The following TMEM167A variants were observed in gnomAD, a reference collection of about 807,000 sequenced individuals.
The protein encoded by TMEM167A is protein kish-A.
In TMEM167A, 8 loss-of-function variants were observed where a neutral mutation model predicts 11.6. The ratio of observed to expected loss-of-function variants is 0.69; its 90% CI spans 0.40 to 1.24. The LOEUF (loss-of-function observed/expected upper bound fraction) is 1.24. TMEM167A is among the 50% of genes most tolerant of loss of function. The probability of loss-of-function intolerance (pLI) is 0.01; values close to 1 mark genes in which losing one functional copy is unlikely to be tolerated. For missense variants in TMEM167A, 62 were observed against 87.0 expected (o/e 0.71, Z 1.14); for synonymous variants, 22 against 28.0 (o/e 0.79, Z 0.67).
intron 3 of TMEM167A, 86 bp from the exon 4 acceptor site, chr5:83,057,240 T>C (rs1343728019): frequency 1.5e-6 from 2 of 1,304,058 alleles, no homozygotes; most frequent in Non-Finnish European, 2.2e-6. Context: ...AGAATCAAGA[T>C]AACATTCTTC....
At chr5:83,063,936 C>T (rs1744442753) in intron 2 of TMEM167A, among the ~76,000 whole-genome samples, 1 of 151,880 alleles carries the variant, frequency 6.6e-6, no homozygotes, top group Admixed American at 6.6e-5. Context: ...TTGCTTTATC[C>T]AATCTGTCTA....
Position 83,055,118 on chromosome 5 carries a change from T to C in TMEM167A, c.*1966A>G, listed in dbSNP as rs1744309438. On this transcript the variant is annotated 3_prime_UTR_variant, in exon 4 of 4. Transcript: ENST00000502346. ...AGAATGGTTGTTGTTACAAATATGC[T>C]GCCTCCCACTCTGTTTAGCATCTAT... 1.3e-5 allele frequency: 2 copies of C among 152,026 alleles called. No homozygotes were observed. The highest frequency in any genetic ancestry group is 2.9e-5 in the Non-Finnish European group (2 of 67,922). The allele number at this position is 152,026 out of a possible 1,614,324, so 9.4% of individuals were successfully genotyped here. A position where few individuals can be genotyped will look rare whatever the true frequency, so the allele number is the denominator to read the frequency against.
At chr5:83,073,147 A>G (rs1304411429) in intron 1 of TMEM167A, among the ~76,000 whole-genome samples, 1 of 152,212 alleles carries the variant, frequency 6.6e-6, no homozygotes, top group African/African-American at 2.4e-5. Context: ...GCTATTTATA[A>G]GCAGTGTGAT....
intron 2 of TMEM167A, among the ~76,000 whole-genome samples, chr5:83,062,850 C>G (rs1410089811): frequency 7.2e-6 from 1 of 139,098 alleles, no homozygotes; most frequent in Non-Finnish European, 1.6e-5. Flanking sequence ...TTATAGTATA[C>G]TTTTTTTTTT....
intron 1 of TMEM167A, 48 bp from the exon 2 acceptor site, chr5:83,065,165 T>C (rs533827978): frequency 5.0e-6 from 6 of 1,205,956 alleles, no homozygotes; most frequent in African/African-American, 1.6e-5. Flanking sequence ...AAAAACTGCA[T>C]AGGTAAAAAA....
rs1744284381 is a variant in TMEM167A at position 83,053,256 on chromosome 5, CG to C, written c.*3827del. 1.3e-5 allele frequency: 2 copies of C among 151,912 alleles called. No homozygotes were observed. Among genetic ancestry groups the C allele is most frequent in the African/African-American group, 2.4e-5 (1 of 41,410 alleles). 9.4% of individuals were successfully genotyped at this position (151,912 alleles called of 1,614,324 possible). On this transcript the variant is annotated 3_prime_UTR_variant, in exon 4 of 4. Transcript: ENST00000502346. ...AACTTCTCAAAGGCTTTGCAAAAAG[CG>C]TAAGTCCTTGCTTTTTGAGAATTTT...
At chr5:83,062,511 T>C (rs113577080) in intron 2 of TMEM167A, among the ~76,000 whole-genome samples, 386 of 152,222 alleles carry the variant, frequency 2.5e-3, no homozygotes, top group African/African-American at 8.6e-3. Context: ...TCACTAAATA[T>C]GGCATTTAAA....
At position 83,064,078 on chromosome 5, in the gene TMEM167A, A is replaced by G. The variant is rs149679311; in HGVS notation, c.113+930T>C. ...TATACAAAATAATTCTTAGTTATAA[A>G]TCAACATAAAATGGTGCTTAACACG... is the stretch of plus-strand genomic sequence containing the variant. On this transcript the variant is annotated intron_variant, in intron 2 of 3. Transcript: ENST00000502346. 2,836 of 326,282 alleles carry G rather than the reference A, an allele frequency of 8.7e-3. 24 individuals carry two copies. Among genetic ancestry groups the G allele is most frequent in the Non-Finnish European group, 0.012 (1,999 of 167,842 alleles). 20.2% of individuals were successfully genotyped at this position (326,282 alleles called of 1,614,324 possible). A position where few individuals can be genotyped will look rare whatever the true frequency, so the allele number is the denominator to read the frequency against.
At chr5:83,064,237 T>C (rs1483658145) in intron 2 of TMEM167A, 1 of 518,576 alleles carries the variant, frequency 1.9e-6, no homozygotes, top group East Asian at 5.4e-5. Context: ...ACTCAACCTT[T>C]ACTAGAAGGT....
At position 83,056,767 on chromosome 5, in the gene TMEM167A, C is replaced by G. The variant is rs753154424; in HGVS notation, c.*317G>C. The G allele has an allele frequency of 7.1e-5, 21 of 297,014 alleles. No individual in the cohort carries two copies. The highest frequency in any genetic ancestry group is 1.3e-4 in the Non-Finnish European group (20 of 159,576). The allele number at this position is 297,014 out of a possible 1,614,324, so 18.4% of individuals were successfully genotyped here. A position where few individuals can be genotyped will look rare whatever the true frequency, so the allele number is the denominator to read the frequency against. On this transcript the variant is annotated 3_prime_UTR_variant, in exon 4 of 4. Coordinates refer to ENST00000502346, the MANE Select transcript of TMEM167A (RefSeq NM_174909.5). ...CAGTGAAAGGAACTTGAGTAATTAA[C>G]CAATTTTGTTTTCTACTATGTGCCT...
chr5:83,057,227 A>G (rs529409393), intron 3 of TMEM167A, 73 bp from the exon 4 acceptor site: 28 of 1,384,104 alleles, frequency 2.0e-5, no homozygotes, highest in South Asian at 2.0e-4. Context: ...TTATACTACC[A>G]TAAGAATCAA....
chr5:83,066,306 T>C (rs1396063279), intron 1 of TMEM167A, among the ~76,000 whole-genome samples: 1 of 152,058 alleles, frequency 6.6e-6, no homozygotes, highest in Non-Finnish European at 1.5e-5. Flanking sequence ...AAATCAGGAA[T>C]GAAACAAAGA....
At chr5:83,057,935 A>G (rs1410858501) in intron 3 of TMEM167A, among the ~76,000 whole-genome samples, 1 of 152,066 alleles carries the variant, frequency 6.6e-6, no homozygotes, top group Non-Finnish European at 1.5e-5. Context: ...TGTTCCTTCA[A>G]TAACTGCAAG....
intron 3 of TMEM167A, among the ~76,000 whole-genome samples, chr5:83,058,317 C>T (rs1328523415): frequency 6.6e-6 from 1 of 151,938 alleles, no homozygotes; most frequent in Non-Finnish European, 1.5e-5. Context: ...AAATATTATA[C>T]ACATACAAAA....
chr5:83,056,623 A>G lies in TMEM167A; in HGVS notation c.*461T>C, dbSNP rs1175416577. 5.5e-6 allele frequency: 1 copy of G among 183,050 alleles called. No individual in the cohort carries two copies. The highest frequency in any genetic ancestry group is 1.1e-5 in the Non-Finnish European group (1 of 89,024). 11.3% of individuals were successfully genotyped at this position (183,050 alleles called of 1,614,324 possible). A position where few individuals can be genotyped will look rare whatever the true frequency, so the allele number is the denominator to read the frequency against. On this transcript the variant is annotated 3_prime_UTR_variant, in exon 4 of 4. Coordinates refer to ENST00000502346, the MANE Select transcript of TMEM167A (RefSeq NM_174909.5). ...ATGATCAAAATGGTGTGCCCAGAGG[A>G]AAAGCAAGCACTATTAAATATTAAT...
intron 1 of TMEM167A, among the ~76,000 whole-genome samples, chr5:83,068,779 T>C (rs911015848): frequency 2.6e-5 from 4 of 152,194 alleles, no homozygotes; most frequent in Admixed American, 1.3e-4. Flanking sequence ...GGTTTATCAT[T>C]TTCCTAATGC....
At chr5:83,061,461 GCA>G (rs1404710735) in intron 3 of TMEM167A, among the ~76,000 whole-genome samples, 3 of 152,148 alleles carry the variant, frequency 2.0e-5, no homozygotes, top group Non-Finnish European at 4.4e-5. Context: ...CCAGGATGGG[GCA>G]CAGTGGTGTG....
intron 1 of TMEM167A, chr5:83,071,290 A>C (rs958620080): frequency 2.6e-5 from 4 of 152,214 alleles, no homozygotes; most frequent in African/African-American, 9.6e-5. Context: ...TCCAGCTTTA[A>C]AACAAAAATT....
intron 1 of TMEM167A, among the ~76,000 whole-genome samples, chr5:83,065,415 A>C (rs943377017): frequency 1.4e-4 from 22 of 152,026 alleles, no homozygotes; most frequent in African/African-American, 5.1e-4. Context: ...AATTTTTTTA[A>C]GGATAAACAT....
Sources: allele counts gnomAD v4.1 joint callset (sites outside exome capture counted in the v4.1 genomes callset), GRCh38; gene constraint gnomAD v4.1.1; transcripts MANE v1.5; gene names NCBI Gene and HGNC (gene_info 2026-07-23, HGNC 2026-07-21).